The following GSE1 variants were observed in gnomAD, a reference collection of about 807,000 sequenced individuals.
The protein encoded by GSE1 is genetic suppressor element 1.
GSE1 carries 32 observed loss-of-function variants against 112.6 expected under a neutral mutation model. The ratio of observed to expected loss-of-function variants is 0.28; its 90% confidence interval spans 0.21 to 0.38. GSE1 has a LOEUF of 0.38. Ranked by LOEUF, GSE1 falls within the 10% of genes least tolerant of loss-of-function variation. GSE1 has a pLI of 1.00. For missense variants in GSE1, 2,348 were observed against 1,699.2 expected, an observed-to-expected ratio of 1.38 and a Z score of -6.71; for synonymous variants, 1,115 against 735.6, an observed-to-expected ratio of 1.52 and a Z score of -8.35.
At chr16:85,282,752 A>G (rs934599272) in intron 1 of GSE1, among the ~76,000 whole-genome samples, 2 of 152,244 alleles carry the variant, frequency 1.3e-5, no homozygotes, top group Non-Finnish European at 2.9e-5. Context: ...ATTCAATGTT[A>G]TCACCTGCCT....
chr16:85,205,188 G>T (rs952919664), intron 1 of GSE1, among the ~76,000 whole-genome samples: 1 of 152,104 alleles, frequency 6.6e-6, no homozygotes, highest in Non-Finnish European at 1.5e-5. Flanking sequence ...GGAGTACAGT[G>T]GCATGATCTC....
At chr16:85,663,269 G>T in intron 10 of GSE1, 75 bp from the exon 11 acceptor site, 1 of 1,536,430 alleles carries the variant, frequency 6.5e-7, no homozygotes, top group Non-Finnish European at 8.9e-7. Flanking sequence ...GAGGACCCCA[G>T]GAGGGGACCC....
intron 2 of GSE1, among the ~76,000 whole-genome samples, chr16:85,643,494 C>T (rs569879334): frequency 6.6e-6 from 1 of 152,172 alleles, no homozygotes; most frequent in Non-Finnish European, 1.5e-5. Flanking sequence ...ACTTCCTCAC[C>T]CGCGCCTCTT....
chr16:85,295,579 T>C (rs1484025015), intron 1 of GSE1, among the ~76,000 whole-genome samples: 2 of 152,328 alleles, frequency 1.3e-5, no homozygotes, highest in Non-Finnish European at 2.9e-5. Context: ...TACAGGGCTG[T>C]GTCACTTCTG....
chr16:85,195,767 C>T (rs974396591), intron 1 of GSE1, among the ~76,000 whole-genome samples: 1 of 152,116 alleles, frequency 6.6e-6, no homozygotes. Context: ...GAGACTGTCC[C>T]GGAAAGGTTA....
At chr16:85,648,899 C>T (rs1284137704) in intron 3 of GSE1, 148 bp downstream of exon 3, 7 of 519,798 alleles carry the variant, frequency 1.3e-5, no homozygotes, top group East Asian at 3.4e-5. Context: ...TTCTCTGCAA[C>T]GTGAGGGTGA....
intron 2 of GSE1, among the ~76,000 whole-genome samples, chr16:85,537,254 T>G (rs1598103853): frequency 6.6e-6 from 1 of 152,176 alleles, no homozygotes; most frequent in East Asian, 1.9e-4. Context: ...CAACAGACCA[T>G]CAAGGATGGG....
chr16:85,246,237 A>ACG (rs1205116498), intron 1 of GSE1, among the ~76,000 whole-genome samples: 2 of 108,270 alleles, frequency 1.8e-5, no homozygotes, highest in African/African-American at 3.5e-5. Context: ...ACACACACAC[A>ACG]CGCACACCAC....
At chr16:85,543,047 G>A (rs2044577481) in intron 2 of GSE1, among the ~76,000 whole-genome samples, 1 of 152,090 alleles carries the variant, frequency 6.6e-6, no homozygotes, top group Admixed American at 6.6e-5. Context: ...CCAACATGGT[G>A]AAACTCCATC....
upstream of GSE1, among the ~76,000 whole-genome samples, chr16:85,608,622 G>A (rs1361060225): frequency 6.6e-6 from 1 of 152,212 alleles, no homozygotes; most frequent in Non-Finnish European, 1.5e-5. Context: ...ACGTCTGGAT[G>A]AGACTCGTGC....
chr16:85,656,554 G>A lies in GSE1; in HGVS notation c.1201G>A (p.Ala401Thr), dbSNP rs748207039. ...QRAREKELLAAKALEPSFLPV... is the reference protein window; with the variant it reads ...QRAREKELLATKALEPSFLPV... ...GGCCCGGGAGAAGGAGCTGCTGGCC[G>A]CCAAGGCCCTGGAGCCCAGCTTCCT... Residue 401 changes from alanine (A) to threonine (T), a missense_variant, in exon 7 of 16, where the codon GCC (alanine) becomes ACC (threonine). Coordinates refer to ENST00000253458, the MANE Select transcript of GSE1 (RefSeq NM_014615.5). 1.6e-4 allele frequency: 244 copies of A among 1,548,482 alleles called. No individual in the cohort carries two copies. In the East Asian group the frequency reaches 1.8e-3, roughly 11 times the overall value.
chr16:85,223,635 C>T (rs966708752), intron 1 of GSE1, among the ~76,000 whole-genome samples: 2 of 151,922 alleles, frequency 1.3e-5, no homozygotes, highest in Admixed American at 6.6e-5. Context: ...TAGACAGTCT[C>T]GCTCTGTCGC....
intron 2 of GSE1, among the ~76,000 whole-genome samples, chr16:85,429,657 C>G (rs185569105): frequency 6.6e-6 from 1 of 152,300 alleles, no homozygotes; most frequent in East Asian, 1.9e-4. Flanking sequence ...TGGCTCTGCT[C>G]CAGCCCCACA....
At chr16:85,402,035 G>A (rs184592985) in intron 2 of GSE1, among the ~76,000 whole-genome samples, 6 of 152,348 alleles carry the variant, frequency 3.9e-5, no homozygotes, top group East Asian at 1.9e-4. Flanking sequence ...ACTGGAGCCC[G>A]GAGACGTTGG....
chr16:85,551,461 C>T (rs189284278), upstream of GSE1, among the ~76,000 whole-genome samples: 157 of 152,314 alleles, frequency 1.0e-3, no homozygotes, highest in African/African-American at 3.6e-3. Flanking sequence ...CACAGCCAAG[C>T]CACAAGGGAC....
chr16:85,426,826 T>C (rs1389577886), intron 2 of GSE1, among the ~76,000 whole-genome samples: 1 of 152,204 alleles, frequency 6.6e-6, no homozygotes, highest in Non-Finnish European at 1.5e-5. Context: ...TAACCCTGGC[T>C]TCAGCCCACT....
chr16:85,624,923 C>T (rs933822951), intron 1 of GSE1, among the ~76,000 whole-genome samples: 1 of 152,094 alleles, frequency 6.6e-6, no homozygotes, highest in African/African-American at 2.4e-5. Flanking sequence ...CGGCCTGTGT[C>T]ACTTTGCTGT....
upstream of GSE1, among the ~76,000 whole-genome samples, chr16:85,551,987 A>G (rs900220153): frequency 1.3e-5 from 2 of 151,036 alleles, no homozygotes; most frequent in Non-Finnish European, 2.9e-5. Context: ...GGAGCTCTCC[A>G]AGCCCCTGCT....
At chr16:85,338,548 C>T (rs56245946) in intron 1 of GSE1, among the ~76,000 whole-genome samples, 8,471 of 152,272 alleles carry the variant, frequency 0.056, 289 homozygotes, top group African/African-American at 0.079. Flanking sequence ...TTGCAAAGTG[C>T]TTGAGCATTG....
Sources: gnomAD v4.1 joint callset for allele counts (sites outside exome capture counted in the v4.1 genomes callset) on GRCh38, gnomAD v4.1.1 for gene constraint, MANE v1.5 for transcripts, NCBI Gene and HGNC (gene_info 2026-07-23, HGNC 2026-07-21) for gene names.